Variants in PIGF observed in about 807,000 individuals in gnomAD.
The protein encoded by PIGF is GPI ethanolamine phosphate transferase, stabilizing subunit.
A neutral mutation model predicts 26.0 loss-of-function variants in PIGF; 23 were observed. The observed-to-expected ratio is 0.88, with a 90% CI of 0.64 to 1.25. The LOEUF is 1.25. Ranked by LOEUF, PIGF falls within the 50% of genes most tolerant of loss-of-function variation. The probability of loss-of-function intolerance (pLI) is 0.00; values close to 1 mark genes in which losing one functional copy is unlikely to be tolerated. For missense variants in PIGF, 278 were observed against 249.9 expected, an observed-to-expected ratio of 1.11 and a Z score of -0.76; for synonymous variants, 93 against 92.6, an observed-to-expected ratio of 1.00 and a Z score of -0.03.
chr2:46,581,788 A>T (rs1364252931), intron 5 of PIGF, 197 bp from the exon 6 acceptor site: 28 of 667,768 alleles, frequency 4.2e-5, no homozygotes, highest in African/African-American at 5.6e-5. Context: ...AAACTGTAAC[A>T]AGGCTTCTGG....
At chr2:46,600,020 T>A (rs1444287112) in intron 4 of PIGF, among the ~76,000 whole-genome samples, 1 of 152,256 alleles carries the variant, frequency 6.6e-6, no homozygotes, top group Non-Finnish European at 1.5e-5. Context: ...CTGGGTAAGA[T>A]AAATGCTATC....
chr2:46,607,830 G>C (rs1426937830), intron 4 of PIGF, among the ~76,000 whole-genome samples: 2 of 152,120 alleles, frequency 1.3e-5, no homozygotes, highest in African/African-American at 2.4e-5. Context: ...AAGTAGCTGG[G>C]ATTACAGGGG....
chr2:46,599,065 A>C (rs1669977311), intron 4 of PIGF, among the ~76,000 whole-genome samples: 1 of 152,218 alleles, frequency 6.6e-6, no homozygotes, highest in African/African-American at 2.4e-5. Flanking sequence ...TGGGCCAACC[A>C]GGGGAAAGGG....
rs1458783092 is a variant in PIGF, at chr2:46,589,043, A to G, written c.546+3432T>C. Among the ~76,000 whole-genome samples, 1 of 152,108 alleles carries G rather than the reference A, an allele frequency of 6.6e-6. No homozygotes were observed. Among genetic ancestry groups the G allele is most frequent in the Non-Finnish European group, 1.5e-5 (1 of 67,956 alleles). ...GCCTATCTGGATTATGGGAAATTCAAATATTTGTTTTCTTGCTGAGATTTT... is the reference window on the plus strand; with the variant it reads ...GCCTATCTGGATTATGGGAAATTCAGATATTTGTTTTCTTGCTGAGATTTT... On this transcript the variant is annotated intron_variant, in intron 5 of 5. Coordinates refer to ENST00000281382, the MANE Select transcript of PIGF (RefSeq NM_002643.4). This position sits in a 1 kb window ranked among gnomAD's most constrained non-coding sequence, Gnocchi z 4.7.
Position 46,588,363 on chromosome 2 carries a change from A to AATC in PIGF, c.546+4109_546+4111dup. 1.3e-6 allele frequency: 1 copy of AATC among 775,380 alleles called. No homozygotes were observed. The highest frequency in any genetic ancestry group is 1.8e-5 in the African/African-American group (1 of 55,656). 48.0% of individuals were successfully genotyped at this position (775,380 alleles called of 1,614,324 possible). On this transcript the variant is annotated intron_variant, in intron 5 of 5. Transcript: ENST00000281382. This position sits in a 1 kb window ranked among gnomAD's most constrained non-coding sequence, Gnocchi z 4.1. ...TCTCTAATATATGAGAACTCAAATA[A>AATC]ATCATGGAATTTGCATTTTTTGAAG...
In PIGF at chr2:46,613,730, T is replaced by C. The variant is rs1454775471; in HGVS notation, c.284A>G (p.His95Arg). ...IYFLMSCFSF[H>R]VIFVLYGAPL... ...TGCTCCATACAGAACAAAAATTACA[T>C]GAAAGGAGAAACAAGACATAAGAAA... The change falls in exon 3 of 6, where the codon CAT becomes CGT. Residue 95 changes from histidine to arginine, a missense_variant. Coordinates refer to ENST00000281382, the MANE Select transcript of PIGF (RefSeq NM_002643.4). The C allele has an allele frequency of 6.4e-7, 1 of 1,560,388 alleles. No individual in the cohort carries two copies. The highest frequency in any genetic ancestry group is 8.8e-7 in the Non-Finnish European group (1 of 1,138,188).
At chr2:46,612,728 AATACTAGTTGTAGTGG>A (rs1045879908) in intron 3 of PIGF, among the ~76,000 whole-genome samples, 19 of 152,304 alleles carry the variant, frequency 1.2e-4, no homozygotes, top group African/African-American at 4.6e-4. Context: ...ACCACTATTG[AATACTAGTTGTAGTGG>A]TTCTCTACAA....
At chr2:46,610,676 C>G (rs528630901) in intron 4 of PIGF, among the ~76,000 whole-genome samples, 1 of 152,006 alleles carries the variant, frequency 6.6e-6, no homozygotes, top group African/African-American at 2.4e-5. Context: ...ACTACAGGCA[C>G]CCGCCACCAC....
chr2:46,601,039 A>T (rs1404142498), intron 4 of PIGF, among the ~76,000 whole-genome samples: 1 of 152,040 alleles, frequency 6.6e-6, no homozygotes, highest in African/African-American at 2.4e-5. Context: ...TACTACAAAC[A>T]TTTATATACA....
At chr2:46,608,738 G>T (rs2104128381) in intron 4 of PIGF, among the ~76,000 whole-genome samples, 1 of 152,194 alleles carries the variant, frequency 6.6e-6, no homozygotes, top group East Asian at 1.9e-4. Flanking sequence ...TGGGTGACTA[G>T]GCACATTGTC....
At chr2:46,583,000 G>A (rs1202738500) in intron 5 of PIGF, 2 of 152,036 alleles carry the variant, frequency 1.3e-5, no homozygotes. Context: ...TTTAATTTTG[G>A]TCTGCTTATT....
In PIGF at chr2:46,614,991, T is replaced by C. The variant is rs775675842; in HGVS notation, c.174A>G (p.Leu58=). The part of the protein sequence containing the change: ...SGFVTAVNLV[L]YLVVKPNTSS... ...ATGTATTTGGTTTCACTACTAAATA[T>C]AGTACTAGATTGACAGCAGTTACAA... Residue 58 remains leucine, a synonymous_variant, in exon 2 of 6, where the codon CTA becomes CTG. Coordinates refer to ENST00000281382, the MANE Select transcript of PIGF (RefSeq NM_002643.4). 29 of 1,606,340 alleles carry C rather than the reference T, an allele frequency of 1.8e-5. No homozygotes were observed. Among genetic ancestry groups the C allele is most frequent in the Middle Eastern group, 1.6e-4 (1 of 6,062 alleles).
intron 4 of PIGF, among the ~76,000 whole-genome samples, chr2:46,606,410 A>T (rs1400216590): frequency 6.6e-6 from 1 of 152,064 alleles, no homozygotes; most frequent in Non-Finnish European, 1.5e-5. Flanking sequence ...GTAAATAAAG[A>T]GTTTTGTTTT....
intron 4 of PIGF, among the ~76,000 whole-genome samples, chr2:46,594,849 T>TG (rs34651321): frequency 2.3e-4 from 33 of 143,464 alleles, no homozygotes; most frequent in Admixed American, 1.8e-3. Flanking sequence ...CGTTTTTTTT[T>TG]TTGTTTGTTT....
At position 46,597,674 on chromosome 2, in the gene PIGF, A is replaced by C. The variant is rs550899971; in HGVS notation, c.438-5091T>G. On this transcript the variant is annotated intron_variant, in intron 4 of 5. Coordinates refer to ENST00000281382, the MANE Select transcript of PIGF (RefSeq NM_002643.4). ...TGATCTGCCCACCTCGGCCTCCCAA[A>C]GTGCTGGGATTATAGGCGTGAGCCA... Among the ~76,000 whole-genome samples, 26 of 152,188 alleles carry C rather than the reference A, an allele frequency of 1.7e-4. 1 individual carries two copies. The highest frequency in any genetic ancestry group is 6.3e-4 in the African/African-American group (26 of 41,534).
intron 5 of PIGF, among the ~76,000 whole-genome samples, chr2:46,585,056 C>T (rs1471259843): frequency 1.3e-5 from 2 of 152,162 alleles, no homozygotes; most frequent in Non-Finnish European, 2.9e-5. Context: ...TTCTATTCAA[C>T]GTTCTTCATG....
intron 4 of PIGF, among the ~76,000 whole-genome samples, chr2:46,608,876 C>A (rs537265293): frequency 1.1e-3 from 172 of 152,178 alleles, no homozygotes; most frequent in African/African-American, 4.1e-3. Flanking sequence ...GTTCCATTGA[C>A]AGTATATAGG....
At chr2:46,587,758 A>ATATT (rs1669622195) in intron 5 of PIGF, among the ~76,000 whole-genome samples, 1 of 152,194 alleles carries the variant, frequency 6.6e-6, no homozygotes, top group African/African-American at 2.4e-5. Context: ...TTAGCTTTAA[A>ATATT]TATTCTCCTA....
At chr2:46,590,533 A>ATGT (rs3053644) in intron 5 of PIGF, among the ~76,000 whole-genome samples, 19 of 152,218 alleles carry the variant, frequency 1.2e-4, no homozygotes, top group South Asian at 2.1e-4. Context: ...ATACAAAATG[A>ATGT]TTATTATATC....
Sources: allele counts gnomAD v4.1 joint callset (sites outside exome capture counted in the v4.1 genomes callset), GRCh38; gene constraint gnomAD v4.1.1; non-coding constraint Gnocchi (gnomAD v3.1); transcripts MANE v1.5; gene names NCBI Gene and HGNC (gene_info 2026-07-23, HGNC 2026-07-21).